The following PVT1 variants were observed in gnomAD, a reference collection of about 807,000 sequenced individuals.
The protein encoded by PVT1 is CXCR4/PVT1 fusion.
chr8:127,944,979 G>T (rs57327942), intron 3 of PVT1, among the ~76,000 whole-genome samples: 2,862 of 152,212 alleles, frequency 0.019, 94 homozygotes, highest in African/African-American at 0.065. Flanking sequence ...CGGGGAGTCT[G>T]ACCCTCTTTT....
intron 3 of PVT1, among the ~76,000 whole-genome samples, chr8:127,956,495 T>C (rs1239648067): frequency 6.6e-6 from 1 of 152,262 alleles, no homozygotes; most frequent in African/African-American, 2.4e-5. Context: ...TTTTCTGTTT[T>C]TGTTTTTTGA....
At chr8:128,063,014 C>T (rs142683289) in intron 4 of PVT1, among the ~76,000 whole-genome samples, 1 of 152,254 alleles carries the variant, frequency 6.6e-6, no homozygotes, top group African/African-American at 2.4e-5. Context: ...AAGAAAGGGA[C>T]AGATAATGCT....
intron 3 of PVT1, among the ~76,000 whole-genome samples, chr8:127,895,578 A>AT (rs1191414092): frequency 6.6e-6 from 1 of 152,232 alleles, no homozygotes; most frequent in Non-Finnish European, 1.5e-5. Context: ...TGCCAGGCAT[A>AT]TAATATGTAC....
At chr8:127,960,712 C>T (rs79228208) in intron 3 of PVT1, 10,837 of 513,990 alleles carry the variant, frequency 0.021, 227 homozygotes, top group South Asian at 0.045. Context: ...TTTTCAGACA[C>T]AAAAACTGAG....
chr8:127,911,679 G>T (rs1815899903), intron 3 of PVT1, among the ~76,000 whole-genome samples: 1 of 152,226 alleles, frequency 6.6e-6, no homozygotes, highest in South Asian at 2.1e-4. Flanking sequence ...TTGTCCAAAG[G>T]CACAGTCATA....
intron 4 of PVT1, among the ~76,000 whole-genome samples, chr8:127,997,324 A>G (rs1231844721): frequency 6.6e-6 from 1 of 151,928 alleles, no homozygotes. Context: ...TACAGGAGTG[A>G]GCCACCGAGC....
intron 3 of PVT1, among the ~76,000 whole-genome samples, chr8:127,976,062 T>G (rs1313966737): frequency 1.3e-5 from 2 of 152,232 alleles, no homozygotes; most frequent in African/African-American, 4.8e-5. Flanking sequence ...AGAGCCTTGT[T>G]GTCTCTAAGG....
chr8:127,832,736 T>TAAC (rs1341837908), intron 2 of PVT1, among the ~76,000 whole-genome samples: 1 of 152,088 alleles, frequency 6.6e-6, no homozygotes. Flanking sequence ...CGGGTGCCTG[T>TAAC]AGTCCCAGCT....
At chr8:127,897,981 A>C (rs947187550) in intron 3 of PVT1, among the ~76,000 whole-genome samples, 5 of 150,372 alleles carry the variant, frequency 3.3e-5, no homozygotes, top group Non-Finnish European at 7.4e-5. Context: ...GAAGGAAGAA[A>C]GAAGGAAAGA....
chr8:128,060,342 T>C (rs1813815882), intron 4 of PVT1, among the ~76,000 whole-genome samples: 1 of 152,118 alleles, frequency 6.6e-6, no homozygotes, highest in East Asian at 1.9e-4. Context: ...TCTAGTCTCC[T>C]AGGATCACCT....
chr8:127,804,844 C>T (rs1173785881), intron 2 of PVT1, among the ~76,000 whole-genome samples: 2 of 151,282 alleles, frequency 1.3e-5, no homozygotes, highest in Non-Finnish European at 2.9e-5. Context: ...CGTGAGCCAC[C>T]ACATCTGGAC....
chr8:127,833,463 T>C (rs964987403), intron 2 of PVT1, among the ~76,000 whole-genome samples: 1 of 17,730 alleles, frequency 5.6e-5, no homozygotes, highest in Non-Finnish European at 9.0e-5. Context: ...CTTTATGGAT[T>C]TTTTTTTTTT....
chr8:127,964,824 T>G (rs548399459), intron 3 of PVT1, among the ~76,000 whole-genome samples: 1 of 151,742 alleles, frequency 6.6e-6, no homozygotes, highest in Non-Finnish European at 1.5e-5. Flanking sequence ...AATTTTATTA[T>G]TATTTTATTG....
chr8:127,798,492 G>A (rs896841621), intron 2 of PVT1, among the ~76,000 whole-genome samples: 1 of 151,956 alleles, frequency 6.6e-6, no homozygotes, highest in African/African-American at 2.4e-5. Context: ...GGGCCAAGAG[G>A]CCTTAGGTGA....
intron 5 of PVT1, among the ~76,000 whole-genome samples, chr8:128,080,048 C>T (rs1321164294): frequency 6.6e-6 from 1 of 152,188 alleles, no homozygotes; most frequent in Non-Finnish European, 1.5e-5. Flanking sequence ...CCCTCCATGT[C>T]TTTTCATAGC....
At chr8:127,892,773 G>T (rs919235572) in intron 3 of PVT1, among the ~76,000 whole-genome samples, 1 of 152,142 alleles carries the variant, frequency 6.6e-6, no homozygotes, top group Non-Finnish European at 1.5e-5. Context: ...CCATTTCGGG[G>T]GGCTGCTGAG....
chr8:127,858,495 G>T (rs2129746487), intron 2 of PVT1, among the ~76,000 whole-genome samples: 1 of 152,074 alleles, frequency 6.6e-6, no homozygotes, highest in Non-Finnish European at 1.5e-5. Flanking sequence ...ACCTTCTGCA[G>T]AATGCATGTG....
intron 6 of PVT1, among the ~76,000 whole-genome samples, chr8:128,096,938 G>C (rs942850608): frequency 4.6e-5 from 7 of 152,210 alleles, no homozygotes; most frequent in Admixed American, 1.3e-4. Flanking sequence ...CAGGCCCCCA[G>C]TCTTGCCATG....
chr8:127,894,809 G>A (rs1039329434), intron 3 of PVT1, among the ~76,000 whole-genome samples: 1 of 152,240 alleles, frequency 6.6e-6, no homozygotes, highest in Non-Finnish European at 1.5e-5. Context: ...TGGCTGTGTG[G>A]CTCTGGCCAC....
Sources: allele counts gnomAD v4.1 joint callset (sites outside exome capture counted in the v4.1 genomes callset), GRCh38; gene constraint gnomAD v4.1.1; transcripts MANE v1.5; gene names NCBI Gene and HGNC (gene_info 2026-07-23, HGNC 2026-07-21).